MYBL2: variants seen among roughly 807,000 people sequenced by gnomAD.
MYBL2 encodes myb-related protein B.
A neutral mutation model predicts 79.9 loss-of-function variants in MYBL2; 28 were observed. The observed-to-expected ratio is 0.35, with a 90% confidence interval of 0.26 to 0.48. The LOEUF (loss-of-function observed/expected upper bound fraction) is 0.48. Among genes scored for constraint, MYBL2 ranks in the 20% least tolerant of loss-of-function variants. The probability of loss-of-function intolerance (pLI) is 0.99; values close to 1 mark genes in which losing one functional copy is unlikely to be tolerated. For missense variants in MYBL2, 735 were observed against 893.9 expected (o/e 0.82, Z 2.27); for synonymous variants, 378 against 361.2 (o/e 1.05, Z -0.53).
intron 6 of MYBL2, among the ~76,000 whole-genome samples, chr20:43,697,871 C>A (rs184857318): frequency 4.7e-5 from 7 of 149,728 alleles, no homozygotes; most frequent in South Asian, 2.1e-4. Context: ...GCCGAGATCG[C>A]GCCACTGCAT....
Position 43,715,202 on chromosome 20 carries a change from C to T in MYBL2, c.1893C>T (p.Leu631=), listed in dbSNP as rs753140787. ...LSGIKEDNSL[L]NQGFLQAKPE... ...GTATCAAAGAAGACAACAGCTTGCT[C>T]AACCAGGGCTTCTTGCAGGCCAAGC... is the stretch of plus-strand genomic sequence containing the variant. The change falls in exon 13 of 14, where the codon CTC becomes CTT. Residue 631 remains leucine, a synonymous_variant. Transcript: ENST00000217026. 28 of 1,614,154 alleles carry T rather than the reference C, an allele frequency of 1.7e-5. 1 individual carries two copies. The highest frequency in any genetic ancestry group is 1.6e-4 in the Middle Eastern group (1 of 6,084).
At chr20:43,696,942 G>A (rs1358917821) in intron 6 of MYBL2, among the ~76,000 whole-genome samples, 1 of 152,302 alleles carries the variant, frequency 6.6e-6, no homozygotes, top group African/African-American at 2.4e-5. Context: ...GGCCAGGATG[G>A]TCTCGATTTC....
At chr20:43,677,265 C>G (rs1987034865) in intron 2 of MYBL2, among the ~76,000 whole-genome samples, 1 of 152,132 alleles carries the variant, frequency 6.6e-6, no homozygotes, top group Non-Finnish European at 1.5e-5. Context: ...GTGCAGGTCC[C>G]TGGAATGTGC....
chr20:43,712,892 C>T (rs1003400948), intron 11 of MYBL2, 110 bp from the exon 12 acceptor site: 7 of 801,372 alleles, frequency 8.7e-6, no homozygotes, highest in Non-Finnish European at 1.4e-5. Context: ...TCCAAGTCTG[C>T]ACTGCAGCAG....
chr20:43,674,554 A>AT (rs547094811), intron 2 of MYBL2, among the ~76,000 whole-genome samples: 434 of 145,540 alleles, frequency 3.0e-3, no homozygotes, highest in Non-Finnish European at 3.9e-3. Context: ...TGCCCAGCTA[A>AT]TTTTTTTTTT....
intron 9 of MYBL2, among the ~76,000 whole-genome samples, chr20:43,705,737 G>A (rs1987766562): frequency 6.6e-6 from 1 of 150,764 alleles, no homozygotes; most frequent in South Asian, 2.1e-4. Context: ...GTCTTGCTCT[G>A]TTGCCCAGGC....
intron 1 of MYBL2, among the ~76,000 whole-genome samples, chr20:43,668,660 C>T (rs531589489): frequency 3.5e-4 from 52 of 150,116 alleles, no homozygotes; most frequent in African/African-American, 1.1e-3. Context: ...GTTTTCTGTT[C>T]AGGCGCCTAT....
At chr20:43,683,657 G>C (rs439395) in intron 4 of MYBL2, among the ~76,000 whole-genome samples, 113,938 of 150,434 alleles carry the variant, frequency 0.76, 44,132 homozygotes, top group Non-Finnish European at 0.84. Flanking sequence ...GGGTTCAAGC[G>C]ATTCTCGTGT....
chr20:43,679,345 T>C (rs1279113721), intron 2 of MYBL2, among the ~76,000 whole-genome samples: 2 of 152,188 alleles, frequency 1.3e-5, no homozygotes, highest in Non-Finnish European at 2.9e-5. Flanking sequence ...CAAAACCACC[T>C]CACTTTAAAT....
In MYBL2 at chr20:43,702,659, A is replaced by G; in HGVS notation, c.1121A>G (p.Asp374Gly). 1 of 1,614,080 alleles carries G rather than the reference A, an allele frequency of 6.2e-7. No homozygotes were observed. The highest frequency in any genetic ancestry group is 8.5e-7 in the Non-Finnish European group (1 of 1,180,034). The stretch of plus-strand genomic sequence containing the variant: ...CCCAGTGTGACCGAGTACCGCCTGG[A>G]TGGCCACACCATCTCAGACCTGAGC... ...LVPSVTEYRLDGHTISDLSRS... is the reference protein window; with the variant it reads ...LVPSVTEYRLGGHTISDLSRS... Residue 374 changes from aspartate to glycine, a missense_variant, in exon 8 of 14, where the codon GAT (aspartate) becomes GGT (glycine). Asp to Gly is a moderately conservative substitution (Grantham distance 94). This residue lies in a region of MYBL2 where 243 missense variants were observed against 327.2 expected (regional missense o/e 0.74). Transcript: ENST00000217026.
intron 9 of MYBL2, among the ~76,000 whole-genome samples, chr20:43,707,547 A>AT (rs752558601): frequency 5.2e-4 from 79 of 151,646 alleles, no homozygotes; most frequent in Middle Eastern, 3.2e-3. Context: ...TAATTTTTAT[A>AT]TTTTTTTGCT....
At chr20:43,688,797 T>C (rs1987337710) in intron 5 of MYBL2, among the ~76,000 whole-genome samples, 1 of 152,016 alleles carries the variant, frequency 6.6e-6, no homozygotes, top group South Asian at 2.1e-4. Flanking sequence ...GTCAATATTA[T>C]ATTTTTTTTA....
chr20:43,682,378 ACTGCCTGGG>A (rs1987164910), intron 3 of MYBL2, among the ~76,000 whole-genome samples: 1 of 152,142 alleles, frequency 6.6e-6, no homozygotes, highest in African/African-American at 2.4e-5. Flanking sequence ...CATATGTCTT[ACTGCCTGGG>A]CTGCTCAGAA....
intron 5 of MYBL2, among the ~76,000 whole-genome samples, chr20:43,688,233 G>T (rs1043770929): frequency 6.6e-6 from 1 of 150,596 alleles, no homozygotes; most frequent in Non-Finnish European, 1.5e-5. Context: ...CCAGAGTCTC[G>T]CTCTGTCATC....
intron 3 of MYBL2, 97 bp from the exon 4 acceptor site, chr20:43,682,697 C>T: frequency 8.8e-7 from 1 of 1,131,486 alleles, no homozygotes; most frequent in East Asian, 2.4e-5. Context: ...TGCCTAGTCC[C>T]AGGCCATAGG....
chr20:43,712,753 C>G (rs1206535436), intron 11 of MYBL2, among the ~76,000 whole-genome samples: 1 of 152,096 alleles, frequency 6.6e-6, no homozygotes, highest in Non-Finnish European at 1.5e-5. Context: ...ATGCTGTGTT[C>G]CTGCTCACTG....
chr20:43,696,772 G>C (rs1300142476), intron 6 of MYBL2, among the ~76,000 whole-genome samples: 1 of 152,280 alleles, frequency 6.6e-6, no homozygotes, highest in Admixed American at 6.5e-5. Flanking sequence ...CTGTTGCCAG[G>C]CTGGAGTGCA....
Position 43,667,183 on chromosome 20 carries a change from G to C in MYBL2, c.-101G>C. On this transcript the variant is annotated 5_prime_UTR_variant, in exon 1 of 14. Coordinates refer to ENST00000217026, the MANE Select transcript of MYBL2 (RefSeq NM_002466.4). ...CTGACGCCTTCGAGCGCGGCCCGGG[G>C]CCCGGAGCGGCCGGAGCAGCCCGGG... is the stretch of plus-strand genomic sequence containing the variant. 5 of 804,830 alleles carry C rather than the reference G, an allele frequency of 6.2e-6. No homozygotes were observed. Among genetic ancestry groups the C allele is most frequent in the Non-Finnish European group, 8.0e-6 (5 of 623,486 alleles). 49.9% of individuals were successfully genotyped at this position (804,830 alleles called of 1,614,324 possible). A position where few individuals can be genotyped will look rare whatever the true frequency, so the allele number is the denominator to read the frequency against.
At chr20:43,669,792 C>T (rs910395630) in intron 1 of MYBL2, among the ~76,000 whole-genome samples, 6 of 152,178 alleles carry the variant, frequency 3.9e-5, no homozygotes, top group Non-Finnish European at 7.3e-5. Flanking sequence ...TATATCATCT[C>T]ACAGAAATGC....
Sources: allele counts gnomAD v4.1 joint callset (sites outside exome capture counted in the v4.1 genomes callset), GRCh38; gene constraint gnomAD v4.1.1; regional missense constraint gnomAD v4.1.1; transcripts MANE v1.5; gene names NCBI Gene and HGNC (gene_info 2026-07-23, HGNC 2026-07-21).